CALCRL: variants seen among roughly 807,000 people sequenced by gnomAD.
The protein encoded by CALCRL is calcitonin receptor like receptor.
A neutral mutation model predicts 60.4 loss-of-function variants in CALCRL; 27 were observed. That is an observed-to-expected ratio of 0.45 (90% CI 0.33 to 0.62). The LOEUF is 0.62. Among genes scored for constraint, CALCRL ranks in the 20% least tolerant of loss-of-function variants. The pLI is 0.03. For synonymous variants in CALCRL, 190 were observed against 182.6 expected, an observed-to-expected ratio of 1.04 and a Z score of -0.33; for missense variants, 424 against 540.7, an observed-to-expected ratio of 0.78 and a Z score of 2.14.
At chr2:187,390,603 G>A (rs943762936) in intron 1 of CALCRL, among the ~76,000 whole-genome samples, 2 of 152,074 alleles carry the variant, frequency 1.3e-5, no homozygotes, top group African/African-American at 4.8e-5. Flanking sequence ...ATATCTCTTA[G>A]TGGTAACTAA....
chr2:187,435,865 C>CGTGTGTGTGTGTGT (rs5837037), intron 1 of CALCRL, among the ~76,000 whole-genome samples: 2 of 148,424 alleles, frequency 1.3e-5, no homozygotes, highest in African/African-American at 2.5e-5. Flanking sequence ...TGTGTTTGTG[C>CGTGTGTGTGTGTGT]GTGCGTGTGT....
At chr2:187,355,426 C>A (rs1686726930) in intron 12 of CALCRL, among the ~76,000 whole-genome samples, 1 of 151,966 alleles carries the variant, frequency 6.6e-6, no homozygotes, top group African/African-American at 2.4e-5. Flanking sequence ...TAAGGTATAT[C>A]AAAAAATGTT....
chr2:187,357,996 T>C (rs1686874284), intron 12 of CALCRL, among the ~76,000 whole-genome samples: 1 of 151,968 alleles, frequency 6.6e-6, no homozygotes, highest in South Asian at 2.1e-4. Context: ...CTAAGGACTG[T>C]AATTGCACTA....
At chr2:187,426,321 T>C (rs1690123324) in intron 1 of CALCRL, among the ~76,000 whole-genome samples, 1 of 151,876 alleles carries the variant, frequency 6.6e-6, no homozygotes, top group Non-Finnish European at 1.5e-5. Context: ...TTTACCCTGC[T>C]CTAAAATGTT....
intron 1 of CALCRL, among the ~76,000 whole-genome samples, chr2:187,434,592 C>A (rs1452127935): frequency 2.0e-5 from 3 of 152,052 alleles, no homozygotes; most frequent in African/African-American, 7.2e-5. Flanking sequence ...TGAAATCTCA[C>A]TGAAAAATAT....
chr2:187,363,257 T>C, intron 9 of CALCRL, 119 bp downstream of exon 9: 1 of 946,410 alleles, frequency 1.1e-6, no homozygotes, highest in Non-Finnish European at 1.5e-6. Flanking sequence ...TATATATATA[T>C]GTCAGACTTG....
chr2:187,358,974 TG>T, intron 12 of CALCRL, 88 bp downstream of exon 12: 1 of 1,016,832 alleles, frequency 9.8e-7, no homozygotes, highest in Non-Finnish European at 1.6e-6. Context: ...CTGTGTCCAC[TG>T]GGACCCTGAA....
chr2:187,360,752 C>T lies in CALCRL; in HGVS notation c.628-1G>A. 1 of 1,588,472 alleles carries T rather than the reference C, an allele frequency of 6.3e-7. No individual in the cohort carries two copies. The highest frequency in any genetic ancestry group is 8.5e-7 in the Non-Finnish European group (1 of 1,172,022). On this transcript the variant is annotated splice_acceptor_variant, in intron 9 of 14. Coordinates refer to ENST00000392370, the MANE Select transcript of CALCRL (RefSeq NM_005795.6). LOFTEE classifies it high-confidence loss of function. ...TGAACTGGGACACTTTGCAACTAAC[C>T]TGTGAGGAAAAAAAAAACCCCAATA...
intron 12 of CALCRL, among the ~76,000 whole-genome samples, chr2:187,358,521 A>C (rs1313350096): frequency 2.1e-4 from 29 of 137,558 alleles, no homozygotes; most frequent in South Asian, 5.1e-4. Context: ...GTCACCTCCC[A>C]CCCCCCCCTG....
chr2:187,422,353 C>CA (rs751363117), intron 1 of CALCRL, among the ~76,000 whole-genome samples: 12 of 152,160 alleles, frequency 7.9e-5, no homozygotes, highest in Non-Finnish European at 1.8e-4. Context: ...GCCCTGCTAA[C>CA]AAATCCAGCT....
At chr2:187,368,523 A>G (rs1687390843) in intron 8 of CALCRL, among the ~76,000 whole-genome samples, 1 of 152,124 alleles carries the variant, frequency 6.6e-6, no homozygotes, top group Non-Finnish European at 1.5e-5. Flanking sequence ...TTGTTGCCAA[A>G]TTGCCAGGTT....
At chr2:187,403,619 C>T (rs1001485342) in intron 1 of CALCRL, among the ~76,000 whole-genome samples, 2 of 151,924 alleles carry the variant, frequency 1.3e-5, no homozygotes, top group East Asian at 1.9e-4. Flanking sequence ...GCAGAGTTTG[C>T]TAGGTACAAG....
chr2:187,363,720 T>C (rs1217342964), intron 8 of CALCRL, among the ~76,000 whole-genome samples: 1 of 152,142 alleles, frequency 6.6e-6, no homozygotes, highest in Non-Finnish European at 1.5e-5. Flanking sequence ...GAGGTAGATA[T>C]ACATAGGGAT....
At position 187,372,742 on chromosome 2, in the gene CALCRL, A is replaced by C. The variant is rs369444626; in HGVS notation, c.500+6198T>G. On this transcript the variant is annotated intron_variant, in intron 8 of 14. Transcript: ENST00000392370. ...TACAGTATAAGGAACTGGGTTAAGA[A>C]ACAGAAAGGATCTGCTAATAGTATT... is the stretch of plus-strand genomic sequence containing the variant. 1.4e-4 allele frequency among the ~76,000 whole-genome samples: 22 copies of C among 152,284 alleles called. No homozygotes were observed. In the East Asian group the frequency reaches 1.5e-3, roughly 11 times the overall value.
chr2:187,350,309 CA>C (rs1337895981), intron 14 of CALCRL, among the ~76,000 whole-genome samples: 2 of 151,682 alleles, frequency 1.3e-5, no homozygotes, highest in East Asian at 3.9e-4. Context: ...ACATCCTATA[CA>C]AGTAGCATTT....
rs1172773340 is a variant in CALCRL, at chr2:187,360,760, A to G, written c.628-9T>C. ...GACACTTTGCAACTAACCTGTGAGG[A>G]AAAAAAAAACCCCAATATTTACTTG... is the stretch of plus-strand genomic sequence containing the variant. On this transcript the variant is annotated splice_polypyrimidine_tract_variant and intron_variant, in intron 9 of 14. Transcript: ENST00000392370. 8.7e-6 allele frequency: 13 copies of G among 1,490,326 alleles called. No individual in the cohort carries two copies. Among genetic ancestry groups the G allele is most frequent in the African/African-American group, 2.9e-5 (2 of 68,106 alleles). The allele number at this position is 1,490,326 out of a possible 1,614,324, so 92.3% of individuals were successfully genotyped here. A position where few individuals can be genotyped will look rare whatever the true frequency, so the allele number is the denominator to read the frequency against.
At chr2:187,390,732 C>G (rs879882774) in intron 1 of CALCRL, among the ~76,000 whole-genome samples, 4 of 152,030 alleles carry the variant, frequency 2.6e-5, no homozygotes, top group African/African-American at 7.2e-5. Context: ...GAAAATTGTG[C>G]TACTAGGAAT....
chr2:187,430,349 A>C (rs149031961), intron 1 of CALCRL, among the ~76,000 whole-genome samples: 8 of 152,306 alleles, frequency 5.3e-5, no homozygotes, highest in African/African-American at 1.9e-4. Flanking sequence ...ACCCAGCTTT[A>C]AATTTAGGAG....
intron 1 of CALCRL, among the ~76,000 whole-genome samples, chr2:187,445,064 A>G (rs1270580821): frequency 1.3e-5 from 2 of 151,628 alleles, no homozygotes; most frequent in East Asian, 3.8e-4. Context: ...AGAAATTATG[A>G]ATGTTTATAG....
Sources: allele counts gnomAD v4.1 joint callset (sites outside exome capture counted in the v4.1 genomes callset), GRCh38; gene constraint gnomAD v4.1.1; transcripts MANE v1.5; gene names NCBI Gene and HGNC (gene_info 2026-07-23, HGNC 2026-07-21).